The following MPHOSPH9 variants were observed in gnomAD, a reference collection of about 807,000 sequenced individuals.
MPHOSPH9 encodes the protein M-phase phosphoprotein 9.
In MPHOSPH9, 88 loss-of-function variants were observed where a neutral mutation model predicts 145.5. The ratio of observed to expected loss-of-function variants is 0.60; its 90% CI spans 0.51 to 0.72. The LOEUF (loss-of-function observed/expected upper bound fraction) is 0.72, where lower values mean the gene tolerates loss of function less well. Ranked by LOEUF, MPHOSPH9 falls within the 30% of genes least tolerant of loss-of-function variation. The pLI, the probability that MPHOSPH9 is intolerant of heterozygous loss-of-function variation, is 0.00. For missense variants in MPHOSPH9, 1,238 were observed against 1,386.6 expected, an observed-to-expected ratio of 0.89 and a Z score of 1.70; for synonymous variants, 435 against 486.2, an observed-to-expected ratio of 0.89 and a Z score of 1.39.
intron 3 of MPHOSPH9, among the ~76,000 whole-genome samples, chr12:123,223,620 C>T (rs965509585): frequency 2.0e-5 from 3 of 152,204 alleles, no homozygotes; most frequent in Non-Finnish European, 4.4e-5. Context: ...CGAGCTCTTG[C>T]ACAGCTCTCA....
chr12:123,204,564 C>A lies in MPHOSPH9; in HGVS notation c.1195-1189G>T, dbSNP rs540356847. ...TCAAGTGAAAATAAGTCCCTTTATT[C>A]ATTAGTAAAATAAGAAGATATGACC... On this transcript the variant is annotated intron_variant, in intron 8 of 23. Transcript: ENST00000606320. Among the ~76,000 whole-genome samples the A allele has an allele frequency of 2.0e-4, 30 of 152,258 alleles. No homozygotes were observed. The Middle Eastern group carries it at 0.01, about 52-fold the overall frequency.
rs1593061708 is a variant in MPHOSPH9, at chr12:123,162,140, C to T, written c.3108G>A (p.Gln1036=). ...LQRTNPRKQL[Q]FLPLDDSEEK... The stretch of plus-strand genomic sequence containing the variant: ...CTTCCGAGTCATCTAGAGGAAGAAA[C>T]TGGAGTTGCTTTCTTGGATTGGTAC... Residue 1036 remains glutamine (Q), a synonymous_variant, in exon 21 of 24, where the codon CAG becomes CAA. Coordinates refer to ENST00000606320, the MANE Select transcript of MPHOSPH9 (RefSeq NM_022782.4). 6.3e-7 allele frequency: 1 copy of T among 1,583,132 alleles called. No homozygotes were observed.
In MPHOSPH9 at chr12:123,160,810, G is replaced by A. The variant is rs755454925; in HGVS notation, c.3421C>T (p.Arg1141Ter). The change falls in exon 23 of 24, where the codon CGA becomes TGA. Residue 1141 changes from arginine to a stop codon, truncating the protein, a stop_gained. Transcript: ENST00000606320. LOFTEE classifies it high-confidence loss of function. ...TTTAATCTTGTCTGTAAAGTGATTCGTCCTCCAGGAGAAGGCATCCTGCTT... is the reference window on the plus strand; with the variant it reads ...TTTAATCTTGTCTGTAAAGTGATTCATCCTCCAGGAGAAGGCATCCTGCTT... ...ALSRMPSPGGRITLQTRLNQE... is the reference protein window; with the variant it reads ...ALSRMPSPGG 3.1e-6 allele frequency: 5 copies of A among 1,613,772 alleles called. No individual in the cohort carries two copies. The South Asian group carries it at 3.3e-5, about 11-fold the overall frequency.
In MPHOSPH9 at chr12:123,182,982, G is replaced by A. The variant is rs190888189; in HGVS notation, c.2242-1772C>T. ...TAATCCCAGCACTTTGGGAGGCTGA[G>A]GCAGGTGGATCACTTGAGGTCAGGA... On this transcript the variant is annotated intron_variant, in intron 13 of 23. Transcript: ENST00000606320. Among the ~76,000 whole-genome samples the A allele has an allele frequency of 3.4e-3, 516 of 151,808 alleles. 3 individuals are homozygous for A. The highest frequency in any genetic ancestry group is 0.011 in the African/African-American group (474 of 41,356).
At position 123,230,511 on chromosome 12, in the gene MPHOSPH9, T is replaced by C; in HGVS notation, c.-147A>G. On this transcript the variant is annotated 5_prime_UTR_variant, in exon 2 of 24. Coordinates refer to ENST00000606320, the MANE Select transcript of MPHOSPH9 (RefSeq NM_022782.4). ...TTCAGAACTGTGAAATATCCTAAAC[T>C]TCCAAGAGAGTCTGAAAATGAATGG... 1 of 478,686 alleles carries C rather than the reference T, an allele frequency of 2.1e-6. No homozygotes were observed. The highest frequency in any genetic ancestry group is 3.5e-5 in the South Asian group (1 of 28,846). The allele number at this position is 478,686 out of a possible 1,614,324, so 29.7% of individuals were successfully genotyped here. A position where few individuals can be genotyped will look rare whatever the true frequency, so the allele number is the denominator to read the frequency against.
chr12:123,234,952 C>T (rs777957329), upstream of MPHOSPH9, among the ~76,000 whole-genome samples: 2 of 152,134 alleles, frequency 1.3e-5, no homozygotes, highest in Admixed American at 1.3e-4. Context: ...TTATCAAGTA[C>T]TTCTTAAATT....
chr12:123,195,602 A>C (rs533154322), intron 12 of MPHOSPH9, among the ~76,000 whole-genome samples: 1 of 152,212 alleles, frequency 6.6e-6, no homozygotes, highest in African/African-American at 2.4e-5. Context: ...AAAAAAGAAA[A>C]TACAGGAAAT....
intron 19 of MPHOSPH9, 142 bp from the exon 20 acceptor site, chr12:123,163,276 A>T: frequency 2.2e-6 from 2 of 912,150 alleles, no homozygotes. Context: ...GAGTGTACAA[A>T]AAAATAAAAT....
intron 6 of MPHOSPH9, 89 bp downstream of exon 6, chr12:123,218,287 A>G: frequency 2.6e-6 from 4 of 1,516,530 alleles, no homozygotes; most frequent in Non-Finnish European, 3.6e-6. Context: ...ATACAAAAGA[A>G]AGGGCACAAG....
At chr12:123,217,798 CT>C (rs1344114961) in intron 6 of MPHOSPH9, among the ~76,000 whole-genome samples, 1 of 151,960 alleles carries the variant, frequency 6.6e-6, no homozygotes, top group Non-Finnish European at 1.5e-5. Context: ...AATCCCTGCA[CT>C]TTGGGAGGCC....
At chr12:123,182,910 T>C (rs1345721006) in intron 13 of MPHOSPH9, among the ~76,000 whole-genome samples, 1 of 144,168 alleles carries the variant, frequency 6.9e-6, no homozygotes, top group African/African-American at 2.6e-5. Context: ...TGACATCTTG[T>C]CTCAAAAATA....
chr12:123,172,569 G>T (rs953052696), intron 16 of MPHOSPH9, among the ~76,000 whole-genome samples: 12 of 152,162 alleles, frequency 7.9e-5, no homozygotes, highest in African/African-American at 2.7e-4. Flanking sequence ...CTGACCTCAG[G>T]TGATCCACCT....
chr12:123,221,546 G>C lies in MPHOSPH9; in HGVS notation c.698C>G (p.Ala233Gly). 1 of 1,614,132 alleles carries C rather than the reference G, an allele frequency of 6.2e-7. No individual in the cohort carries two copies. Among genetic ancestry groups the C allele is most frequent in the Non-Finnish European group, 8.5e-7 (1 of 1,179,984 alleles). ...ATCTACAAGTGACTCAGCCGGCACC[G>C]CAGGTGCTACATACTGTCCTTTGGG... The part of the protein sequence containing the change: ...DVPKGQYVAP[A>G]VPAESLVDGV... The change falls in exon 5 of 24, where the codon GCG becomes GGG. Residue 233 changes from alanine (A) to glycine (G), a missense_variant. Coordinates refer to ENST00000606320, the MANE Select transcript of MPHOSPH9 (RefSeq NM_022782.4).
chr12:123,198,446 TAACTAA>T, intron 11 of MPHOSPH9, 112 bp from the exon 12 acceptor site: 1 of 812,302 alleles, frequency 1.2e-6, no homozygotes, highest in Admixed American at 2.7e-5. Flanking sequence ...TCTCCAGTGT[TAACTAA>T]GACTCAGGAT....
intron 17 of MPHOSPH9, chr12:123,166,420 C>G (rs940891556): frequency 3.8e-6 from 2 of 526,572 alleles, no homozygotes; most frequent in Non-Finnish European, 6.6e-6. Context: ...GATCGACATC[C>G]TATCCTAATC....
intron 11 of MPHOSPH9, 103 bp from the exon 12 acceptor site, chr12:123,198,437 C>A (rs1158081587): frequency 1.1e-6 from 1 of 904,480 alleles, no homozygotes; most frequent in Non-Finnish European, 1.7e-6. Context: ...AAGACAAATT[C>A]TCCAGTGTTA....
intron 16 of MPHOSPH9, among the ~76,000 whole-genome samples, chr12:123,173,158 G>A (rs1457348379): frequency 6.6e-6 from 1 of 152,096 alleles, no homozygotes; most frequent in East Asian, 1.9e-4. Flanking sequence ...TTAAAGGCGT[G>A]AGCCACCACG....
At chr12:123,181,073 T>C (rs1007913909) in intron 14 of MPHOSPH9, 90 bp downstream of exon 14, 2 of 1,207,688 alleles carry the variant, frequency 1.7e-6, no homozygotes, top group Middle Eastern at 1.9e-4. Context: ...CAGGAAGGGG[T>C]GCAAGGAGGA....
chr12:123,161,140 T>C lies in MPHOSPH9; in HGVS notation c.3377A>G (p.Asp1126Gly), dbSNP rs961031047. 7 of 1,613,718 alleles carry C rather than the reference T, an allele frequency of 4.3e-6. No homozygotes were observed. The highest frequency in any genetic ancestry group is 5.9e-6 in the Non-Finnish European group (7 of 1,179,916). ...AAAATATTTGTTTGTTTTTACCTGG[T>C]CCTTTTCTTTTGTAAGTTCATCAAA... is the stretch of plus-strand genomic sequence containing the variant. ...RFFDELTKEK[D>G]QIEAALSRMP... is the part of the protein sequence containing the mutation. The change falls in exon 22 of 24, where the codon GAC becomes GGC. Residue 1126 changes from aspartate to glycine, a missense_variant. Coordinates refer to ENST00000606320, the MANE Select transcript of MPHOSPH9 (RefSeq NM_022782.4).
Sources: allele counts gnomAD v4.1 joint callset (sites outside exome capture counted in the v4.1 genomes callset), GRCh38; gene constraint gnomAD v4.1.1; transcripts MANE v1.5; gene names NCBI Gene and HGNC (gene_info 2026-07-23, HGNC 2026-07-21).